The following CD46 variants were observed in gnomAD, a reference collection of about 807,000 sequenced individuals.
CD46 encodes membrane cofactor protein.
In CD46, 30 loss-of-function variants were observed where a neutral mutation model predicts 53.3. The observed-to-expected ratio is 0.56, with a 90% CI of 0.42 to 0.76. The LOEUF is 0.76. Among genes scored for constraint, CD46 ranks in the 30% least tolerant of loss-of-function variants. The probability of loss-of-function intolerance (pLI) is 0.00; values close to 1 mark genes in which losing one functional copy is unlikely to be tolerated. For synonymous variants in CD46, 142 were observed against 152.0 expected (o/e 0.93, Z 0.48); for missense variants, 409 against 463.0 (o/e 0.88, Z 1.07).
At chr1:207,767,381 C>A in intron 6 of CD46, 186 bp downstream of exon 6, 1 of 722,480 alleles carries the variant, frequency 1.4e-6, no homozygotes, top group Admixed American at 2.5e-5. Context: ...TAAAATTCTG[C>A]TGTTGTGATT....
chr1:207,772,904 G>T (rs1657679363), intron 8 of CD46, among the ~76,000 whole-genome samples: 1 of 152,174 alleles, frequency 6.6e-6, no homozygotes, highest in Non-Finnish European at 1.5e-5. Flanking sequence ...TCAGGATGAT[G>T]CTAGCTTCCT....
chr1:207,780,870 A>G (rs1033866939), intron 8 of CD46, among the ~76,000 whole-genome samples: 1 of 152,016 alleles, frequency 6.6e-6, no homozygotes, highest in Admixed American at 6.6e-5. Context: ...AGGCATGGGC[A>G]TCTGTGAGGG....
chr1:207,766,822 A>G (rs1656904061), intron 5 of CD46, among the ~76,000 whole-genome samples, 191 bp from the exon 6 acceptor site: 1 of 152,198 alleles, frequency 6.6e-6, no homozygotes, highest in South Asian at 2.1e-4. Flanking sequence ...TAGTGCTGAA[A>G]GAAAAATAAA....
chr1:207,761,230 C>T lies in CD46; in HGVS notation c.476-19C>T. Reference sequence around the variant, plus strand: ...CTTAATCTTTTACATTTCCTTTCCTCTTTTTCTTCATTTTTAAGAGGTTTT... The same window carrying T: ...CTTAATCTTTTACATTTCCTTTCCTTTTTTTCTTCATTTTTAAGAGGTTTT... On this transcript the variant is annotated intron_variant, in intron 4 of 12. Coordinates refer to ENST00000367042, the MANE Select transcript of CD46 (RefSeq NM_172351.3). 1 of 1,525,942 alleles carries T rather than the reference C, an allele frequency of 6.6e-7. No individual in the cohort carries two copies. Among genetic ancestry groups the T allele is most frequent in the Non-Finnish European group, 9.1e-7 (1 of 1,103,226 alleles). 94.5% of individuals were successfully genotyped at this position (1,525,942 alleles called of 1,614,324 possible). A position where few individuals can be genotyped will look rare whatever the true frequency, so the allele number is the denominator to read the frequency against.
rs373519619 is a variant in CD46, at chr1:207,785,791, T to TAAA, written c.1082+114_1082+116dup. 254,859 of 721,204 alleles carry TAAA rather than the reference T, an allele frequency of 0.35. 44,863 individuals carry two copies. The highest frequency in any genetic ancestry group is 0.46 in the Admixed American group (20,268 of 44,368). The allele number at this position is 721,204 out of a possible 1,614,324, so 44.7% of individuals were successfully genotyped here. A position where few individuals can be genotyped will look rare whatever the true frequency, so the allele number is the denominator to read the frequency against. On this transcript the variant is annotated intron_variant, in intron 11 of 12. Transcript: ENST00000367042. Reference sequence around the variant, plus strand: ...TTGCATGCTATCTTTTTTTTTTTTTTAAAAAAATGCCTGCATTAGTTTGTC... The same window carrying TAAA: ...TTGCATGCTATCTTTTTTTTTTTTTTAAAAAAAAAATGCCTGCATTAGTTTGTC...
intron 12 of CD46, 151 bp from the exon 13 acceptor site, chr1:207,793,368 G>A: frequency 3.0e-6 from 2 of 675,342 alleles, no homozygotes; most frequent in Non-Finnish European, 5.2e-6. Context: ...TTGAACATTT[G>A]AAATTATTTT....
chr1:207,759,476 T>C (rs1197034642), intron 3 of CD46, among the ~76,000 whole-genome samples, 163 bp from the exon 4 acceptor site: 2 of 152,242 alleles, frequency 1.3e-5, no homozygotes, highest in East Asian at 3.8e-4. Flanking sequence ...TTTGATTAAA[T>C]TGCAGATTTA....
chr1:207,754,543 G>A (rs1025480997), intron 1 of CD46, among the ~76,000 whole-genome samples: 15 of 152,170 alleles, frequency 9.9e-5, no homozygotes, highest in African/African-American at 3.6e-4. Flanking sequence ...AGCCCGATTT[G>A]TTTACCTCTG....
rs1655063841 is a variant in CD46 at position 207,752,752 on chromosome 1, A to G, written c.97+443A>G. ...GAGTGGGGTGTTCATTAGGGCTTGG[A>G]CAGTACCCGCGGTAAGGGTTGCAGT... On this transcript the variant is annotated intron_variant, in intron 1 of 12. Coordinates refer to ENST00000367042, the MANE Select transcript of CD46 (RefSeq NM_172351.3). This position sits in a 1 kb window ranked among gnomAD's most constrained non-coding sequence, Gnocchi z 4.1. Among the ~76,000 whole-genome samples, 1 of 151,884 alleles carries G rather than the reference A, an allele frequency of 6.6e-6. No homozygotes were observed. The highest frequency in any genetic ancestry group is 1.5e-5 in the Non-Finnish European group (1 of 67,970).
intron 11 of CD46, 121 bp downstream of exon 11, chr1:207,785,803 T>G (rs969975544): frequency 1.6e-5 from 11 of 675,626 alleles, no homozygotes; most frequent in Non-Finnish European, 2.9e-5. Flanking sequence ...AAAAAATGCC[T>G]GCATTAGTTT....
At chr1:207,778,464 A>C (rs952479219) in intron 8 of CD46, among the ~76,000 whole-genome samples, 1 of 152,082 alleles carries the variant, frequency 6.6e-6, no homozygotes, top group African/African-American at 2.4e-5. Flanking sequence ...ATTTTTGTGT[A>C]TGGTGTAAGG....
chr1:207,777,161 T>G (rs547772828), intron 8 of CD46, among the ~76,000 whole-genome samples: 2 of 152,156 alleles, frequency 1.3e-5, no homozygotes, highest in South Asian at 4.1e-4. Context: ...ATAGATTACT[T>G]TTTATAACTT....
intron 9 of CD46, 72 bp downstream of exon 9, chr1:207,783,402 G>T: frequency 1.1e-6 from 1 of 891,614 alleles, no homozygotes; most frequent in South Asian, 1.4e-5. Context: ...GTTTTTATGA[G>T]GTGCCCAAAC....
intron 7 of CD46, 73 bp downstream of exon 7, chr1:207,767,896 A>G (rs1016576877): frequency 4.9e-6 from 6 of 1,225,966 alleles, no homozygotes; most frequent in South Asian, 2.5e-5. Context: ...AAATCCTTCA[A>G]ATTTCTGGTG....
rs761668455 is a variant in CD46, at chr1:207,761,362, C to T, written c.589C>T (p.Pro197Ser). The T allele has an allele frequency of 1.2e-6, 2 of 1,613,508 alleles. No homozygotes were observed. Among genetic ancestry groups the T allele is most frequent in the African/African-American group, 2.7e-5 (2 of 74,900 alleles). ...TTATAGTTGTGATCCTGCACCTGGA[C>T]CAGATCCATTTTCACTTATTGGAGA... Reference protein sequence around the residue: ...VTYSCDPAPGPDPFSLIGEST... With the variant: ...VTYSCDPAPGSDPFSLIGEST... The change falls in exon 5 of 13, where the codon CCA becomes TCA. Residue 197 changes from proline (P) to serine (S), a missense_variant. Physicochemically the swap from Pro to Ser is moderately conservative, Grantham distance 74. Coordinates refer to ENST00000367042, the MANE Select transcript of CD46 (RefSeq NM_172351.3).
chr1:207,785,775 A>G, intron 11 of CD46, 93 bp downstream of exon 11: 3 of 646,552 alleles, frequency 4.6e-6, no homozygotes, highest in Admixed American at 3.0e-5. Flanking sequence ...ATTGCATGCT[A>G]TCTTTTTTTT....
rs931567100 is a variant in CD46, at chr1:207,752,203, C to T, written c.-10C>T. On this transcript the variant is annotated 5_prime_UTR_variant, in exon 1 of 13. Transcript: ENST00000367042. This position sits in a 1 kb window ranked among gnomAD's most constrained non-coding sequence, Gnocchi z 4.1. ...CCTCCGGAGAAATAACAGCGTCTTC[C>T]GCGCCGCGCATGGAGCCTCCCGGCC... The T allele has an allele frequency of 4.3e-6, 7 of 1,612,880 alleles. No individual in the cohort carries two copies. Among genetic ancestry groups the T allele is most frequent in the Middle Eastern group, 1.6e-4 (1 of 6,084 alleles).
At chr1:207,771,198 C>T (rs1354370961) in intron 8 of CD46, among the ~76,000 whole-genome samples, 2 of 152,174 alleles carry the variant, frequency 1.3e-5, no homozygotes, top group African/African-American at 2.4e-5. Context: ...TAAATGTCTT[C>T]TTTTGAGAAG....
chr1:207,785,939 G>C (rs1571687831), intron 11 of CD46: 2 of 401,636 alleles, frequency 5.0e-6, no homozygotes, highest in East Asian at 5.2e-5. Flanking sequence ...TTTTGGATTT[G>C]AGGTTTAAGT....
Sources: gnomAD v4.1 joint callset for allele counts (sites outside exome capture counted in the v4.1 genomes callset) on GRCh38, gnomAD v4.1.1 for gene constraint, Gnocchi (gnomAD v3.1) non-coding constraint, MANE v1.5 for transcripts, NCBI Gene and HGNC (gene_info 2026-07-23, HGNC 2026-07-21) for gene names.